CLCN3: variants seen among roughly 807,000 people sequenced by gnomAD.
CLCN3 encodes Cl-/H+ antiporter 3.
In CLCN3, 16 loss-of-function variants were observed where a neutral mutation model predicts 83.4. The observed-to-expected ratio is 0.19, with a 90% CI of 0.13 to 0.29. CLCN3 has a LOEUF of 0.29. Ranked by LOEUF, CLCN3 falls within the 10% of genes least tolerant of loss-of-function variation. The pLI is 1.00. For synonymous variants in CLCN3, 322 were observed against 346.2 expected (o/e 0.93, Z 0.78); for missense variants, 544 against 1,006.0 (o/e 0.54, Z 6.21).
chr4:169,656,613 C>G (rs1730895402), intron 2 of CLCN3, among the ~76,000 whole-genome samples: 1 of 152,102 alleles, frequency 6.6e-6, no homozygotes, highest in South Asian at 2.1e-4. Flanking sequence ...AGTTTTTAAC[C>G]TGCTTCTATT....
chr4:169,690,508 T>C (rs748380595), intron 5 of CLCN3, 22 bp from the exon 6 acceptor site: 3 of 1,599,566 alleles, frequency 1.9e-6, no homozygotes, highest in South Asian at 2.3e-5. Context: ...AAATTCATAC[T>C]CTCGAACTAT....
chr4:169,689,161 A>G lies in CLCN3; in HGVS notation c.537A>G (p.Thr179=), dbSNP rs986077983. 3.1e-6 allele frequency: 5 copies of G among 1,613,908 alleles called. No homozygotes were observed. The highest frequency in any genetic ancestry group is 2.5e-6 in the Non-Finnish European group (3 of 1,179,964). The change falls in exon 5 of 13, where the codon ACA becomes ACG. Residue 179 remains threonine, a synonymous_variant. Coordinates refer to ENST00000513761, the MANE Select transcript of CLCN3 (RefSeq NM_001829.4). The part of the protein sequence containing the change: ...HEQCCWGSNE[T]TFEERDKCPQ... ...AGTGCTGTTGGGGATCTAATGAAAC[A>G]ACATTTGAAGAGAGGGATAAATGTC...
chr4:169,695,454 A>C (rs1474063346), intron 7 of CLCN3, among the ~76,000 whole-genome samples, 158 bp from the exon 8 acceptor site: 1 of 152,252 alleles, frequency 6.6e-6, no homozygotes, highest in Non-Finnish European at 1.5e-5. Flanking sequence ...ACAAATCTTA[A>C]TAGAAGAAAT....
intron 12 of CLCN3, among the ~76,000 whole-genome samples, chr4:169,718,848 T>C (rs984919557): frequency 6.6e-6 from 1 of 152,222 alleles, no homozygotes; most frequent in African/African-American, 2.4e-5. Flanking sequence ...CATTCTGCTT[T>C]CTGCTTCACC....
At chr4:169,687,249 G>T (rs905891621) in intron 3 of CLCN3, among the ~76,000 whole-genome samples, 1 of 152,104 alleles carries the variant, frequency 6.6e-6, no homozygotes, top group African/African-American at 2.4e-5. Flanking sequence ...TATATAGTTT[G>T]TGGACCCTTT....
At chr4:169,665,926 A>T (rs1731228077) in intron 2 of CLCN3, among the ~76,000 whole-genome samples, 1 of 151,508 alleles carries the variant, frequency 6.6e-6, no homozygotes. Context: ...TGCCAGTGTC[A>T]CTGTGATATT....
intron 2 of CLCN3, among the ~76,000 whole-genome samples, chr4:169,674,864 C>G (rs1470083022): frequency 6.6e-6 from 1 of 152,150 alleles, no homozygotes; most frequent in Non-Finnish European, 1.5e-5. Context: ...AGTCCTTCCA[C>G]TTCAGCCTCC....
rs114203345 is a variant in CLCN3, at chr4:169,652,136, G to A, written c.160+16048G>A. Among the ~76,000 whole-genome samples, 1,088 of 152,236 alleles carry A rather than the reference G, an allele frequency of 7.1e-3. 10 individuals are homozygous for A. Among genetic ancestry groups the A allele is most frequent in the African/African-American group, 0.025 (1,038 of 41,554 alleles). ...GCAAGCATCTTTGTAGCCCACTGAG[G>A]TTAAGACAATAAAGCATAACCATAT... On this transcript the variant is annotated intron_variant, in intron 2 of 12. Coordinates refer to ENST00000513761, the MANE Select transcript of CLCN3 (RefSeq NM_001829.4).
rs554065520 is a variant in CLCN3, at chr4:169,696,702, C to G, written c.1018-487C>G. On this transcript the variant is annotated intron_variant, in intron 8 of 12. Coordinates refer to ENST00000513761, the MANE Select transcript of CLCN3 (RefSeq NM_001829.4). The stretch of plus-strand genomic sequence containing the variant: ...ATGTCTCCCCTTTCCCTGTTCACCT[C>G]CCCAACCCCTAGCCTCTGGTAACCC... Among the ~76,000 whole-genome samples, 12 of 152,100 alleles carry G rather than the reference C, an allele frequency of 7.9e-5. 1 individual carries two copies. The highest frequency in any genetic ancestry group is 2.6e-4 in the African/African-American group (11 of 41,522).
chr4:169,718,342 T>C (rs550061901), intron 12 of CLCN3, among the ~76,000 whole-genome samples: 3 of 152,200 alleles, frequency 2.0e-5, no homozygotes, highest in Admixed American at 6.5e-5. Flanking sequence ...AGCTTAGCAA[T>C]TAGAACTGCT....
At chr4:169,686,419 CTT>C (rs34609299) in intron 3 of CLCN3, among the ~76,000 whole-genome samples, 8 of 141,572 alleles carry the variant, frequency 5.7e-5, no homozygotes, top group African/African-American at 5.2e-5. Context: ...TGAAAATTGA[CTT>C]TTTTTTTTTT....
chr4:169,638,904 A>G (rs1730320725), intron 2 of CLCN3, among the ~76,000 whole-genome samples: 1 of 152,222 alleles, frequency 6.6e-6, no homozygotes, highest in Non-Finnish European at 1.5e-5. Context: ...GGGGAATGAA[A>G]TTACTGATTG....
chr4:169,706,490 T>G (rs1732999595), intron 10 of CLCN3, among the ~76,000 whole-genome samples: 1 of 152,260 alleles, frequency 6.6e-6, no homozygotes, highest in Non-Finnish European at 1.5e-5. Context: ...AAGCATGATG[T>G]GCTTTACTAA....
chr4:169,643,096 A>G (rs1169837029), intron 2 of CLCN3: 1 of 152,338 alleles, frequency 6.6e-6, no homozygotes, highest in Middle Eastern at 3.4e-3. Context: ...TATTATTTAC[A>G]TTTAGCTAGT....
chr4:169,701,387 C>G (rs1377285799), intron 9 of CLCN3, among the ~76,000 whole-genome samples: 1 of 152,166 alleles, frequency 6.6e-6, no homozygotes, highest in Non-Finnish European at 1.5e-5. Flanking sequence ...GTCTTGAACC[C>G]CTCAGAGTCA....
chr4:169,675,842 AGAAT>A (rs1175537178), intron 2 of CLCN3, among the ~76,000 whole-genome samples: 1 of 152,196 alleles, frequency 6.6e-6, no homozygotes, highest in African/African-American at 2.4e-5. Context: ...GTCCAGGACT[AGAAT>A]CTGGGCCTTT....
At chr4:169,688,600 T>C (rs1173945696) in intron 4 of CLCN3, among the ~76,000 whole-genome samples, 5 of 152,202 alleles carry the variant, frequency 3.3e-5, no homozygotes, top group Non-Finnish European at 7.3e-5. Flanking sequence ...AAAATAATCT[T>C]GATATATGGT....
chr4:169,688,500 T>G (rs932050699), intron 4 of CLCN3, among the ~76,000 whole-genome samples: 2 of 152,238 alleles, frequency 1.3e-5, no homozygotes, highest in African/African-American at 4.8e-5. Flanking sequence ...AGTAATTTTA[T>G]GGCCTCTGTG....
In CLCN3 at chr4:169,720,728, T is replaced by C. The variant is rs542139427; in HGVS notation, c.*731T>C. ...CACTAAATGCTTGGAACAGTACACATGCACCACAACAAAGGCTCATCAAAC... is the reference window on the plus strand; with the variant it reads ...CACTAAATGCTTGGAACAGTACACACGCACCACAACAAAGGCTCATCAAAC... On this transcript the variant is annotated 3_prime_UTR_variant, in exon 13 of 13. Coordinates refer to ENST00000513761, the MANE Select transcript of CLCN3 (RefSeq NM_001829.4). The C allele has an allele frequency of 6.5e-6, 1 of 152,748 alleles. No homozygotes were observed. Among genetic ancestry groups the C allele is most frequent in the African/African-American group, 2.4e-5 (1 of 41,572 alleles). 9.5% of individuals were successfully genotyped at this position (152,748 alleles called of 1,614,324 possible). A position where few individuals can be genotyped will look rare whatever the true frequency, so the allele number is the denominator to read the frequency against.
Sources: allele counts gnomAD v4.1 joint callset (sites outside exome capture counted in the v4.1 genomes callset), GRCh38; gene constraint gnomAD v4.1.1; transcripts MANE v1.5; gene names NCBI Gene and HGNC (gene_info 2026-07-23, HGNC 2026-07-21).